Variants in PTPRM observed in about 807,000 individuals in gnomAD.
PTPRM encodes the protein protein tyrosine phosphatase receptor type M.
A neutral mutation model predicts 186.7 loss-of-function variants in PTPRM; 47 were observed. That is an observed-to-expected ratio of 0.25 (90% CI 0.20 to 0.32). The LOEUF is 0.32. Among genes scored for constraint, PTPRM ranks in the 10% least tolerant of loss-of-function variants. The pLI is 1.00. For synonymous variants in PTPRM, 668 were observed against 674.9 expected, an observed-to-expected ratio of 0.99 and a Z score of 0.16; for missense variants, 1,494 against 1,865.0, an observed-to-expected ratio of 0.80 and a Z score of 3.66.
intron 4 of PTPRM, among the ~76,000 whole-genome samples, chr18:7,916,511 G>A (rs955394350): frequency 9.2e-5 from 14 of 152,100 alleles, no homozygotes; most frequent in Admixed American, 7.2e-4. Context: ...GTGCCAACAC[G>A]GTCAGGTTAT....
At position 8,252,518 on chromosome 18, in the gene PTPRM, C is replaced by T. The variant is rs1307676836; in HGVS notation, c.2566+19C>T. ...ATAAATGGTAAGTTCCCCGATTCGCCCCATGGAAGAGTTGTGGAGGGAGTG... is the reference window on the plus strand; with the variant it reads ...ATAAATGGTAAGTTCCCCGATTCGCTCCATGGAAGAGTTGTGGAGGGAGTG... On this transcript the variant is annotated intron_variant, in intron 18 of 32. Coordinates refer to ENST00000580170, the MANE Select transcript of PTPRM (RefSeq NM_001105244.2). 1 of 1,543,430 alleles carries T rather than the reference C, an allele frequency of 6.5e-7. No homozygotes were observed. Among genetic ancestry groups the T allele is most frequent in the Admixed American group, 1.7e-5 (1 of 59,886 alleles).
At chr18:7,795,008 G>A (rs1405541296) in intron 2 of PTPRM, among the ~76,000 whole-genome samples, 2 of 152,164 alleles carry the variant, frequency 1.3e-5, no homozygotes, top group Non-Finnish European at 2.9e-5. Context: ...CAAAAGCGAA[G>A]CTCACATATA....
intron 14 of PTPRM, among the ~76,000 whole-genome samples, chr18:8,206,410 A>T (rs1202065224): frequency 2.6e-5 from 4 of 151,916 alleles, no homozygotes; most frequent in Admixed American, 6.6e-5. Context: ...CACCACATCC[A>T]GCTAATTTTT....
intron 30 of PTPRM, 78 bp downstream of exon 30, chr18:8,384,764 C>A: frequency 1.3e-6 from 2 of 1,553,422 alleles, no homozygotes; most frequent in South Asian, 1.2e-5. Flanking sequence ...AGCACTCACT[C>A]TATGTCAGTC....
At chr18:7,772,552 A>G (rs2144941068) in intron 1 of PTPRM, among the ~76,000 whole-genome samples, 1 of 145,324 alleles carries the variant, frequency 6.9e-6, no homozygotes, top group East Asian at 2.0e-4. Context: ...AAATGGGTAT[A>G]CATTTCAAGA....
intron 23 of PTPRM, among the ~76,000 whole-genome samples, chr18:8,344,290 T>G (rs1262090): frequency 0.98 from 148,496 of 151,938 alleles, 72,642 homozygotes; most frequent in East Asian, 1. Context: ...CCATAAAGGG[T>G]TTGTCTCTTA....
At chr18:7,791,080 C>A (rs1001425792) in intron 2 of PTPRM, among the ~76,000 whole-genome samples, 11 of 152,064 alleles carry the variant, frequency 7.2e-5, no homozygotes, top group Non-Finnish European at 1.5e-4. Context: ...GTGTTCTTTT[C>A]CAAGCTAAAT....
intron 1 of PTPRM, among the ~76,000 whole-genome samples, chr18:7,709,384 A>ATCCC (rs1344873133): frequency 1.7e-3 from 262 of 152,268 alleles, no homozygotes; most frequent in African/African-American, 6.1e-3. Flanking sequence ...CAACTTATCA[A>ATCCC]AACCTCTGGG....
chr18:8,339,321 T>G (rs1256438661), intron 22 of PTPRM, among the ~76,000 whole-genome samples: 1 of 152,094 alleles, frequency 6.6e-6, no homozygotes, highest in Non-Finnish European at 1.5e-5. Context: ...TGGCCTGATA[T>G]TATAGAAATT....
At chr18:7,841,300 T>C (rs1350207048) in intron 2 of PTPRM, among the ~76,000 whole-genome samples, 1 of 139,424 alleles carries the variant, frequency 7.2e-6, no homozygotes, top group African/African-American at 2.7e-5. Flanking sequence ...TTTTTTTTTT[T>C]TTTTTTTTTG....
intron 4 of PTPRM, among the ~76,000 whole-genome samples, chr18:7,919,036 T>G (rs577820634): frequency 6.6e-6 from 1 of 152,298 alleles, no homozygotes; most frequent in African/African-American, 2.4e-5. Context: ...CCAGCAGCAG[T>G]TATTGAAGAG....
Position 7,955,344 on chromosome 18 carries a change from C to G in PTPRM, c.1062C>G (p.Leu354=), listed in dbSNP as rs1233596617. ...ATACAGAATATGAGATTAGTGTGCT[C>G]CTGACCAGGCCAGGGGAGGGTGGCA... The part of the protein sequence containing the change: ...DPDTEYEISV[L]LTRPGEGGTG... The change falls in exon 7 of 33, where the codon CTC becomes CTG. Residue 354 remains leucine (L), a synonymous_variant. Transcript: ENST00000580170. 3 of 1,614,028 alleles carry G rather than the reference C, an allele frequency of 1.9e-6. No individual in the cohort carries two copies. The highest frequency in any genetic ancestry group is 2.5e-6 in the Non-Finnish European group (3 of 1,180,040).
intron 25 of PTPRM, 70 bp downstream of exon 25, chr18:8,376,270 G>T: frequency 6.4e-7 from 1 of 1,574,446 alleles, no homozygotes. Flanking sequence ...CTTTGGGGAT[G>T]ATGAGTATGT....
At chr18:8,300,204 G>A (rs1217300867) in intron 20 of PTPRM, among the ~76,000 whole-genome samples, 1 of 152,130 alleles carries the variant, frequency 6.6e-6, no homozygotes, top group Non-Finnish European at 1.5e-5. Context: ...GCAGGAGAAG[G>A]GTGAGTGGAC....
At chr18:8,196,384 G>A (rs1044328649) in intron 14 of PTPRM, among the ~76,000 whole-genome samples, 12 of 152,196 alleles carry the variant, frequency 7.9e-5, no homozygotes, top group African/African-American at 2.9e-4. Flanking sequence ...TTAGAGAGAT[G>A]GGAACAGGAG....
intron 2 of PTPRM, among the ~76,000 whole-genome samples, chr18:7,788,877 AT>A (rs2043209204): frequency 6.6e-6 from 1 of 152,196 alleles, no homozygotes; most frequent in Non-Finnish European, 1.5e-5. Context: ...ATCTTTATAG[AT>A]TTGTCCAGCT....
chr18:8,227,303 C>G (rs1438635897), intron 14 of PTPRM, among the ~76,000 whole-genome samples: 1 of 152,214 alleles, frequency 6.6e-6, no homozygotes, highest in Admixed American at 6.5e-5. Flanking sequence ...ATCATTCATG[C>G]ACCTGAAGCA....
At chr18:7,866,918 A>C (rs1417377110) in intron 2 of PTPRM, among the ~76,000 whole-genome samples, 1 of 152,168 alleles carries the variant, frequency 6.6e-6, no homozygotes, top group Non-Finnish European at 1.5e-5. Flanking sequence ...TTCTTGTTGC[A>C]TTGATCCCTT....
chr18:8,128,903 A>G (rs2092436975), intron 13 of PTPRM, among the ~76,000 whole-genome samples: 1 of 152,142 alleles, frequency 6.6e-6, no homozygotes, highest in Non-Finnish European at 1.5e-5. Flanking sequence ...CAGCAGTGTG[A>G]TGAAGGAAAC....
Sources: gnomAD v4.1 joint callset for allele counts (sites outside exome capture counted in the v4.1 genomes callset) on GRCh38, gnomAD v4.1.1 for gene constraint, MANE v1.5 for transcripts, NCBI Gene and HGNC (gene_info 2026-07-23, HGNC 2026-07-21) for gene names.